The following ZNF475 variants were observed in gnomAD, a reference collection of about 807,000 sequenced individuals.
The protein encoded by ZNF475 is zinc finger protein 475.
the ZNF475 span, among the ~76,000 whole-genome samples, chr5:122,166,350 T>C: frequency 1.3e-5 from 2 of 152,236 alleles, no homozygotes; most frequent in East Asian, 3.8e-4. Context: ...ATGTTTCTTT[T>C]TTTTTTTAGT....
chr5:122,167,382 C>A, the ZNF475 span, among the ~76,000 whole-genome samples: 1 of 152,056 alleles, frequency 6.6e-6, no homozygotes, highest in African/African-American at 2.4e-5. Flanking sequence ...TTCTAATTTT[C>A]TCTAGGTCTT....
the ZNF475 span, among the ~76,000 whole-genome samples, chr5:122,175,280 T>A: frequency 6.6e-6 from 1 of 152,196 alleles, no homozygotes; most frequent in African/African-American, 2.4e-5. Context: ...TTGATATTGG[T>A]CTGTGAAAAG....
At chr5:122,179,765 G>T in the ZNF475 span, 2 of 1,403,446 alleles carry the variant, frequency 1.4e-6, no homozygotes, top group Admixed American at 3.0e-5. Context: ...AGTGCATAAG[G>T]GGAGACTTTT....
chr5:122,166,377 G>A, the ZNF475 span, among the ~76,000 whole-genome samples: 2 of 152,048 alleles, frequency 1.3e-5, no homozygotes, highest in East Asian at 3.9e-4. Flanking sequence ...TTAAGTTCTA[G>A]GGTACATTTG....
the ZNF475 span, among the ~76,000 whole-genome samples, chr5:122,170,874 A>T: frequency 6.6e-6 from 1 of 152,102 alleles, no homozygotes; most frequent in Non-Finnish European, 1.5e-5. Context: ...ACTCCCGGGG[A>T]TTCCAAAAGT....
the ZNF475 span, among the ~76,000 whole-genome samples, chr5:122,176,396 T>A: frequency 1.3e-5 from 2 of 152,206 alleles, no homozygotes; most frequent in African/African-American, 4.8e-5. Flanking sequence ...AATTCTACAA[T>A]TATGTCAAAC....
the ZNF475 span, among the ~76,000 whole-genome samples, chr5:122,174,846 T>A: frequency 2.6e-5 from 4 of 152,214 alleles, no homozygotes; most frequent in African/African-American, 9.6e-5. Context: ...CATTTTAAAC[T>A]AAAAATCTGC....
At chr5:122,182,364 T>C in the ZNF475 span, 4 of 671,888 alleles carry the variant, frequency 6.0e-6, no homozygotes, top group African/African-American at 7.4e-5. Flanking sequence ...CCTGAAAATA[T>C]TTTCCATAGA....
chr5:122,173,437 G>A, the ZNF475 span, among the ~76,000 whole-genome samples: 19 of 152,218 alleles, frequency 1.2e-4, no homozygotes, highest in South Asian at 3.5e-3. Flanking sequence ...CTTCAATAGT[G>A]ATATTATGAC....
the ZNF475 span, among the ~76,000 whole-genome samples, chr5:122,167,813 C>T: frequency 6.6e-6 from 1 of 152,206 alleles, no homozygotes; most frequent in Non-Finnish European, 1.5e-5. Flanking sequence ...TCACCTTCCA[C>T]TTCTAGCCTC....
At chr5:122,177,439 T>C in the ZNF475 span, among the ~76,000 whole-genome samples, 1 of 152,146 alleles carries the variant, frequency 6.6e-6, no homozygotes, top group Non-Finnish European at 1.5e-5. Flanking sequence ...ATCTTTGTAT[T>C]CTCCCAGCAT....
the ZNF475 span, among the ~76,000 whole-genome samples, chr5:122,172,888 C>A: frequency 1.2e-4 from 19 of 152,062 alleles, no homozygotes; most frequent in African/African-American, 4.6e-4. Context: ...AAAAAATTAG[C>A]TGGGCATGGT....
At chr5:122,178,951 T>C in the ZNF475 span, among the ~76,000 whole-genome samples, 1 of 152,238 alleles carries the variant, frequency 6.6e-6, no homozygotes, top group South Asian at 2.1e-4. Flanking sequence ...GTTTTTTGCA[T>C]ATGGCTAGCC....
chr5:122,168,825 G>A, the ZNF475 span, among the ~76,000 whole-genome samples: 135 of 152,274 alleles, frequency 8.9e-4, 1 homozygote, highest in Middle Eastern at 3.4e-3. Flanking sequence ...CCCCAAAATT[G>A]CCCTCTCTCT....
the ZNF475 span, among the ~76,000 whole-genome samples, chr5:122,176,545 T>C: frequency 1.3e-5 from 2 of 152,188 alleles, no homozygotes; most frequent in South Asian, 2.1e-4. Flanking sequence ...GTTCCTAAAA[T>C]GGTAGAGGCT....
At chr5:122,171,808 A>C in the ZNF475 span, among the ~76,000 whole-genome samples, 1 of 151,526 alleles carries the variant, frequency 6.6e-6, no homozygotes, top group African/African-American at 2.4e-5. Context: ...GCACGATCAC[A>C]GCTCGCTGCA....
At chr5:122,182,519 A>C in the ZNF475 span, 1 of 1,528,956 alleles carries the variant, frequency 6.5e-7, no homozygotes, top group Non-Finnish European at 8.7e-7. Flanking sequence ...TTGATGCTTT[A>C]AATGAAGCTG....
chr5:122,166,854 A>C, the ZNF475 span, among the ~76,000 whole-genome samples: 11 of 152,338 alleles, frequency 7.2e-5, no homozygotes, highest in African/African-American at 2.6e-4. Context: ...GTATATAACC[A>C]GTAATGGGAT....
At chr5:122,174,824 A>C in the ZNF475 span, among the ~76,000 whole-genome samples, 2 of 152,234 alleles carry the variant, frequency 1.3e-5, no homozygotes, top group Non-Finnish European at 2.9e-5. Context: ...CAAAATGAAA[A>C]GAATAACTTC....
Sources: allele counts gnomAD v4.1 joint callset (sites outside exome capture counted in the v4.1 genomes callset), GRCh38; gene constraint gnomAD v4.1.1; transcripts MANE v1.5; gene names NCBI Gene and HGNC (gene_info 2026-07-23, HGNC 2026-07-21).